Variants in RAB37 observed in about 807,000 individuals in gnomAD.
RAB37 encodes ras-related protein Rab-37.
Under a neutral mutation model 33.1 loss-of-function variants are expected in RAB37, and 29 were observed. The observed-to-expected ratio is 0.88, with a 90% confidence interval of 0.65 to 1.20. The LOEUF (loss-of-function observed/expected upper bound fraction) is 1.20, where lower values mean the gene tolerates loss of function less well. Ranked by LOEUF, RAB37 falls within the 50% of genes most tolerant of loss-of-function variation. The pLI is 0.00. For missense variants in RAB37, 299 were observed against 301.1 expected (o/e 0.99, Z 0.05); for synonymous variants, 128 against 119.5 (o/e 1.07, Z -0.47).
chr17:74,680,041 T>C (rs2031922118), intron 1 of RAB37, among the ~76,000 whole-genome samples: 1 of 151,360 alleles, frequency 6.6e-6, no homozygotes, highest in African/African-American at 2.4e-5. Context: ...ATAGCCAGCA[T>C]TGTGGAAGCC....
At chr17:74,697,524 T>A (rs984595151) in intron 1 of RAB37, among the ~76,000 whole-genome samples, 3 of 152,110 alleles carry the variant, frequency 2.0e-5, no homozygotes, top group Non-Finnish European at 4.4e-5. Context: ...AGAGTCAGGC[T>A]CCCCTCTTCC....
At chr17:74,695,138 G>A (rs2032305199) in intron 1 of RAB37, 1 of 1,614,166 alleles carries the variant, frequency 6.2e-7, no homozygotes, top group African/African-American at 1.3e-5. Flanking sequence ...GCTCCTCAGG[G>A]CCCCTGCCGG....
chr17:74,683,851 AG>A (rs2032002222), intron 1 of RAB37, among the ~76,000 whole-genome samples: 1 of 152,048 alleles, frequency 6.6e-6, no homozygotes, highest in Non-Finnish European at 1.5e-5. Context: ...TTCACTGTCG[AG>A]GGGTGGTTGC....
intron 1 of RAB37, among the ~76,000 whole-genome samples, chr17:74,673,798 C>T (rs1457481191): frequency 1.3e-5 from 2 of 152,132 alleles, no homozygotes; most frequent in South Asian, 2.1e-4. Flanking sequence ...AGAGCAGGAG[C>T]CAGCCTTAAA....
intron 1 of RAB37, among the ~76,000 whole-genome samples, chr17:74,674,798 C>T (rs146141040): frequency 1.1e-3 from 167 of 152,284 alleles, no homozygotes; most frequent in African/African-American, 3.8e-3. Flanking sequence ...GAAATAGAAC[C>T]TTGTCAGCTT....
In RAB37 at chr17:74,738,122, C is replaced by A. The variant is rs1040958736; in HGVS notation, c.93+757C>A. 6.6e-6 allele frequency among the ~76,000 whole-genome samples: 1 copy of A among 152,050 alleles called. No homozygotes were observed. The highest frequency in any genetic ancestry group is 1.5e-5 in the Non-Finnish European group (1 of 68,026). On this transcript the variant is annotated intron_variant, in intron 1 of 8. Transcript: ENST00000392613. This position sits in a 1 kb window ranked among gnomAD's most constrained non-coding sequence, Gnocchi z 5.0. ...CTTCCATCTGTGTCCTTGGAGTGAG[C>A]GGGTACCAGAAACTGAAAGAACTGC...
intron 1 of RAB37, chr17:74,698,515 G>T: frequency 1.3e-6 from 2 of 1,587,524 alleles, no homozygotes; most frequent in Non-Finnish European, 1.7e-6. Context: ...CTGCATCCCA[G>T]GCTCACCACC....
At position 74,745,376 on chromosome 17, in the gene RAB37, C is replaced by T; in HGVS notation, c.637C>T (p.Gln213Ter). The T allele has an allele frequency of 6.2e-7, 1 of 1,614,134 alleles. No homozygotes were observed. Among genetic ancestry groups the T allele is most frequent in the Non-Finnish European group, 8.5e-7 (1 of 1,180,012 alleles). ...SFQIRDYVES[Q>*]KKRSSCCSFM ...CCAGATCCGAGACTATGTAGAGTCC[C>T]AGAAGAAGCGCTCCAGCTGCTGCTC... Residue 213 changes from glutamine (Q) to a stop codon, truncating the protein, a stop_gained, in exon 9 of 9, where the codon CAG (glutamine) becomes TAG (stop). Coordinates refer to ENST00000392613, the MANE Select transcript of RAB37 (RefSeq NM_001006638.3). LOFTEE classifies it high-confidence loss of function. This position sits in a 1 kb window ranked among gnomAD's most constrained non-coding sequence, Gnocchi z 4.5.
chr17:74,713,122 T>C (rs986441954), intron 1 of RAB37: 5 of 466,602 alleles, frequency 1.1e-5, no homozygotes, highest in South Asian at 4.4e-5. Context: ...CTGGCCAACA[T>C]AGTGAAACCC....
rs2034374188 is a variant in RAB37, at chr17:74,730,762, T to C, written c.183+1396T>C. On this transcript the variant is annotated intron_variant, in intron 2 of 7. Coordinates refer to the RAB37 transcript ENST00000340415. This position sits in a 1 kb window ranked among gnomAD's most constrained non-coding sequence, Gnocchi z 4.4. ...ATCTCCTCACCCACCCTTCTGCCTG[T>C]CTGGTGAGGAAGGAAGAGAGTGGGG... is the stretch of plus-strand genomic sequence containing the variant. 6.6e-6 allele frequency among the ~76,000 whole-genome samples: 1 copy of C among 152,122 alleles called. No individual in the cohort carries two copies.
At chr17:74,680,735 G>C (rs926998613) in intron 1 of RAB37, among the ~76,000 whole-genome samples, 1 of 152,032 alleles carries the variant, frequency 6.6e-6, no homozygotes, top group Non-Finnish European at 1.5e-5. Flanking sequence ...AGAACTCCTT[G>C]CCTTTGAGCT....
rs1265732487 is a variant in RAB37 at position 74,676,925 on chromosome 17, G to A, written c.72+5267G>A. The stretch of plus-strand genomic sequence containing the variant: ...CCCAGCACTTTGGGAGGCTGAGGCA[G>A]GTGGATCATGAGGTCAGGAATTCGA... On this transcript the variant is annotated intron_variant, in intron 1 of 7. Coordinates refer to the RAB37 transcript ENST00000340415. The surrounding 1 kb of genome is among the most constrained non-coding windows in gnomAD (Gnocchi z 4.1). 6.6e-6 allele frequency among the ~76,000 whole-genome samples: 1 copy of A among 152,142 alleles called. No individual in the cohort carries two copies.
Position 74,703,976 on chromosome 17 carries a change from C to T in RAB37, c.73-25280C>T, listed in dbSNP as rs183445062. On this transcript the variant is annotated intron_variant, in intron 1 of 7. Coordinates refer to the RAB37 transcript ENST00000340415. Reference sequence around the variant, plus strand: ...GAATGCAGCCGTTTGACTGTGAAGACCTTTCTGGACTTGGGAATTAGACCC... The same window carrying T: ...GAATGCAGCCGTTTGACTGTGAAGATCTTTCTGGACTTGGGAATTAGACCC... Among the ~76,000 whole-genome samples the T allele has an allele frequency of 2.0e-5, 3 of 152,306 alleles. No individual in the cohort carries two copies. The East Asian group carries it at 5.8e-4, about 29-fold the overall frequency.
chr17:74,737,661 G>A, intron 1 of RAB37, among the ~76,000 whole-genome samples: 1 of 152,204 alleles, frequency 6.6e-6, no homozygotes, highest in East Asian at 1.9e-4. Context: ...GCTTCTTGGT[G>A]AGGGTTAAGC....
chr17:74,735,682 G>T (rs889984776), upstream of RAB37, among the ~76,000 whole-genome samples: 1 of 152,204 alleles, frequency 6.6e-6, no homozygotes, highest in African/African-American at 2.4e-5. Context: ...CCCGCCCTAT[G>T]CCCAGCTGAG....
At chr17:74,704,880 T>C in intron 1 of RAB37, 4 of 1,295,868 alleles carry the variant, frequency 3.1e-6, no homozygotes, top group Non-Finnish European at 3.3e-6. Context: ...AGCTTTCTGT[T>C]TAGGGAATAG....
chr17:74,734,619 G>A (rs1359216018), upstream of RAB37, among the ~76,000 whole-genome samples: 3 of 152,108 alleles, frequency 2.0e-5, no homozygotes, highest in African/African-American at 2.4e-5. Context: ...TAAGGCAGGC[G>A]GATCACCTAA....
At chr17:74,684,540 C>T (rs1027568063) in intron 1 of RAB37, among the ~76,000 whole-genome samples, 1 of 152,116 alleles carries the variant, frequency 6.6e-6, no homozygotes, top group African/African-American at 2.4e-5. Context: ...ATAATCCCAG[C>T]ACTTTCGGAG....
intron 1 of RAB37, among the ~76,000 whole-genome samples, chr17:74,708,839 CG>C (rs549584020): frequency 2.5e-3 from 375 of 149,846 alleles, no homozygotes; most frequent in African/African-American, 8.1e-3. Flanking sequence ...GACGTGAACC[CG>C]GGGGGGCGGA....
Sources: gnomAD v4.1 joint callset for allele counts (sites outside exome capture counted in the v4.1 genomes callset) on GRCh38, gnomAD v4.1.1 for gene constraint, Gnocchi (gnomAD v3.1) non-coding constraint, MANE v1.5 for transcripts, NCBI Gene and HGNC (gene_info 2026-07-23, HGNC 2026-07-21) for gene names.